Variants in PLXNA4 observed in about 807,000 individuals in gnomAD.
PLXNA4 encodes plexin-A4.
In PLXNA4, 44 loss-of-function variants were observed where a neutral mutation model predicts 191.8. That is an observed-to-expected ratio of 0.23 (90% CI 0.18 to 0.29). PLXNA4 has a LOEUF of 0.29. Among genes scored for constraint, PLXNA4 ranks in the 10% least tolerant of loss-of-function variants. The pLI is 1.00. For synonymous variants in PLXNA4, 1,082 were observed against 1,009.5 expected, an observed-to-expected ratio of 1.07 and a Z score of -1.36; for missense variants, 1,800 against 2,488.8, an observed-to-expected ratio of 0.72 and a Z score of 5.89.
At chr7:132,577,776 CCTCAGGTG>C (rs1379020719), upstream of PLXNA4, among the ~76,000 whole-genome samples, 4 of 152,174 alleles carry the variant, frequency 2.6e-5, no homozygotes, top group African/African-American at 9.7e-5. Context: ...TCGGAGGGAC[CCTCAGGTG>C]CTCAGAGCTG....
chr7:132,455,312 G>T (rs766807568), intron 3 of PLXNA4, among the ~76,000 whole-genome samples: 1 of 152,174 alleles, frequency 6.6e-6, no homozygotes, highest in African/African-American at 2.4e-5. Context: ...TCAGGGGTGG[G>T]GAGGGGCGCC....
At chr7:132,529,607 CTTT>C (rs35449894) in intron 1 of PLXNA4, among the ~76,000 whole-genome samples, 3 of 136,136 alleles carry the variant, frequency 2.2e-5, no homozygotes. Flanking sequence ...AATAGGTATT[CTTT>C]TTTTTTTTTT....
chr7:132,180,738 C>A lies in PLXNA4; in HGVS notation c.3493-6G>T. The A allele has an allele frequency of 6.2e-7, 1 of 1,611,422 alleles. No individual in the cohort carries two copies. The highest frequency in any genetic ancestry group is 8.5e-7 in the Non-Finnish European group (1 of 1,177,768). ...GGCGGGATCAGGTTCTTGCCCTGTA[C>A]AAATGGGAAAGCACCAGTTCCCACC... On this transcript the variant is annotated splice_polypyrimidine_tract_variant and splice_region_variant and intron_variant, in intron 18 of 31. Coordinates refer to ENST00000321063, the MANE Select transcript of PLXNA4 (RefSeq NM_020911.2).
intron 20 of PLXNA4, 142 bp downstream of exon 20, chr7:132,179,545 C>G (rs928490400): frequency 8.4e-7 from 1 of 1,191,122 alleles, no homozygotes; most frequent in African/African-American, 1.7e-5. Flanking sequence ...ACACACACAC[C>G]GCCAGCCTCC....
intron 4 of PLXNA4, among the ~76,000 whole-genome samples, chr7:132,260,508 G>C (rs752953545): frequency 2.6e-5 from 4 of 152,118 alleles, no homozygotes; most frequent in African/African-American, 9.7e-5. Context: ...ACGCCAGGGA[G>C]TACTAGAGTG....
chr7:132,192,088 C>T (rs1797109168), intron 14 of PLXNA4, among the ~76,000 whole-genome samples: 1 of 152,138 alleles, frequency 6.6e-6, no homozygotes. Flanking sequence ...GGGGGTTTGG[C>T]CCTCGGAGAG....
intron 30 of PLXNA4, among the ~76,000 whole-genome samples, chr7:132,138,921 TG>T (rs1795188807): frequency 6.6e-6 from 1 of 152,226 alleles, no homozygotes. Context: ...CTTCCCCGCC[TG>T]GGGCACTATC....
At chr7:132,523,146 C>A (rs1023862424) in intron 1 of PLXNA4, among the ~76,000 whole-genome samples, 3 of 152,090 alleles carry the variant, frequency 2.0e-5, no homozygotes, top group Admixed American at 1.3e-4. Flanking sequence ...AGTAAGACAA[C>A]AAGGTTTTTG....
intron 3 of PLXNA4, among the ~76,000 whole-genome samples, chr7:132,362,714 A>G (rs1803997109): frequency 6.6e-6 from 1 of 152,256 alleles, no homozygotes; most frequent in South Asian, 2.1e-4. Flanking sequence ...ACTTGAAGTC[A>G]AAAGACTATA....
intron 5 of PLXNA4, among the ~76,000 whole-genome samples, chr7:132,239,709 T>C (rs1039001799): frequency 2.8e-4 from 42 of 152,232 alleles, no homozygotes; most frequent in African/African-American, 9.4e-4. Context: ...TCCTCTTCTA[T>C]GCTGGCCACT....
Position 132,598,337 on chromosome 7 carries a change from C to T in PLXNA4, c.-87+47591G>A, listed in dbSNP as rs190123731. On this transcript the variant is annotated intron_variant, in intron 2 of 4. Transcript: ENST00000378539. ...TGTTGGCCAGGCTGGTCTCAAACTC[C>T]TGAACTCATGATTCGCCAGCCTCGG... is the stretch of plus-strand genomic sequence containing the variant. Among the ~76,000 whole-genome samples the T allele has an allele frequency of 5.3e-5, 8 of 152,258 alleles. No individual in the cohort carries two copies. The East Asian group carries it at 1.6e-3, about 30-fold the overall frequency.
intron 4 of PLXNA4, among the ~76,000 whole-genome samples, chr7:132,255,925 A>C (rs556501138): frequency 6.6e-6 from 1 of 152,222 alleles, no homozygotes; most frequent in African/African-American, 2.4e-5. Context: ...ACTTCCAACT[A>C]TCTGATGAAA....
At chr7:132,199,455 C>T (rs1797362330) in intron 12 of PLXNA4, among the ~76,000 whole-genome samples, 1 of 152,122 alleles carries the variant, frequency 6.6e-6, no homozygotes, top group African/African-American at 2.4e-5. Context: ...TGTCAAAAAC[C>T]CATGATTAAA....
At chr7:132,509,011 G>T (rs373243637) in intron 1 of PLXNA4, among the ~76,000 whole-genome samples, 1 of 9,036 alleles carries the variant, frequency 1.1e-4, no homozygotes, top group East Asian at 6.7e-3. Context: ...TGATGATAAT[G>T]ACATGATAAT....
chr7:132,502,644 G>A (rs3847115), intron 2 of PLXNA4, among the ~76,000 whole-genome samples: 37,621 of 152,020 alleles, frequency 0.25, 5,902 homozygotes, highest in Non-Finnish European at 0.36. Flanking sequence ...GAAACACCAC[G>A]GGAAGAGCAC....
At chr7:132,132,312 T>C (rs758110377) in intron 31 of PLXNA4, among the ~76,000 whole-genome samples, 1 of 152,190 alleles carries the variant, frequency 6.6e-6, no homozygotes, top group Non-Finnish European at 1.5e-5. Context: ...AAGAAGGCCT[T>C]GTATATAGTG....
chr7:132,271,307 C>T (rs1800060005), intron 4 of PLXNA4: 1 of 151,912 alleles, frequency 6.6e-6, no homozygotes, highest in African/African-American at 2.4e-5. Context: ...TATCCTATCT[C>T]ATCTTAATAT....
intron 4 of PLXNA4, among the ~76,000 whole-genome samples, chr7:132,244,155 C>G (rs1263367696): frequency 6.6e-6 from 1 of 152,196 alleles, no homozygotes; most frequent in Admixed American, 6.5e-5. Flanking sequence ...CTCTGCCCCC[C>G]AGTTTCCTGG....
intron 3 of PLXNA4, among the ~76,000 whole-genome samples, chr7:132,458,884 T>C (rs1796401328): frequency 1.3e-5 from 2 of 152,054 alleles, no homozygotes; most frequent in African/African-American, 2.4e-5. Flanking sequence ...CTGTGTGCAG[T>C]GGAGAGCTGG....
Sources: allele counts gnomAD v4.1 joint callset (sites outside exome capture counted in the v4.1 genomes callset), GRCh38; gene constraint gnomAD v4.1.1; transcripts MANE v1.5; gene names NCBI Gene and HGNC (gene_info 2026-07-23, HGNC 2026-07-21).